Variants in LRRN4 observed in about 807,000 individuals in gnomAD.
The protein encoded by LRRN4 is leucine-rich repeat neuronal protein 4.
Under a neutral mutation model 22.3 loss-of-function variants are expected in LRRN4, and 26 were observed. That is an observed-to-expected ratio of 1.16 (90% CI 0.85 to 1.62). LRRN4 has a LOEUF of 1.62. Ranked by LOEUF, LRRN4 falls within the 40% of genes most tolerant of loss-of-function variation. The pLI is 0.00. For synonymous variants in LRRN4, 496 were observed against 486.2 expected, an observed-to-expected ratio of 1.02 and a Z score of -0.26; for missense variants, 1,070 against 1,008.5, an observed-to-expected ratio of 1.06 and a Z score of -0.83.
intron 3 of LRRN4, among the ~76,000 whole-genome samples, chr20:6,048,179 T>G (rs1441691032): frequency 1.3e-5 from 2 of 152,162 alleles, no homozygotes; most frequent in Non-Finnish European, 2.9e-5. Context: ...CCCTCCCTCC[T>G]TAAGCACTCT....
chr20:6,041,959 G>C lies in LRRN4; in HGVS notation c.1286C>G (p.Thr429Ser). ...TACAGAGTTGGTCGTGGAGGGGGCA[G>C]TCCCCTCCCGTGCATCGCTGTGCGG... ...AWPHSDAREG[T>S]APSTTNSVAG... The change falls in exon 5 of 5, where the codon ACT becomes AGT. Residue 429 changes from threonine to serine, a missense_variant. Transcript: ENST00000378858. The surrounding 1 kb of genome is among the most constrained non-coding windows in gnomAD (Gnocchi z 9.4). 6.2e-7 allele frequency: 1 copy of C among 1,614,124 alleles called. No homozygotes were observed. The highest frequency in any genetic ancestry group is 8.5e-7 in the Non-Finnish European group (1 of 1,180,030).
At chr20:6,048,992 A>G (rs78810641) in intron 3 of LRRN4, among the ~76,000 whole-genome samples, 4,541 of 152,326 alleles carry the variant, frequency 0.03, 223 homozygotes, top group African/African-American at 0.1. Flanking sequence ...GAGAACATCA[A>G]GAGGGAGGAA....
rs766428026 is a variant in LRRN4, at chr20:6,041,381, T to TC, written c.1863dup (p.Asn622GlufsTer109). The TC allele has an allele frequency of 1.1e-5, 18 of 1,584,948 alleles. No individual in the cohort carries two copies. Among genetic ancestry groups the TC allele is most frequent in the Admixed American group, 1.8e-5 (1 of 56,738 alleles). On this transcript the variant is annotated frameshift_variant, in exon 5 of 5. Transcript: ENST00000378858. LOFTEE classifies it low-confidence loss of function (END_TRUNC). This position sits in a 1 kb window ranked among gnomAD's most constrained non-coding sequence, Gnocchi z 9.4. Reference sequence around the variant, plus strand: ...TAGATGACCCCCACCACCGACTGGTTCCCCGCCCAGCCCTCCGCAGAGTAG... The same window carrying TC: ...TAGATGACCCCCACCACCGACTGGTTCCCCCGCCCAGCCCTCCGCAGAGTAG...
chr20:6,044,934 A>G (rs886946543), intron 3 of LRRN4, among the ~76,000 whole-genome samples: 2 of 152,180 alleles, frequency 1.3e-5, no homozygotes, highest in African/African-American at 4.8e-5. Flanking sequence ...CTTCATATCA[A>G]CTGGAGACAT....
chr20:6,044,159 A>T (rs2123052628), intron 4 of LRRN4, among the ~76,000 whole-genome samples: 1 of 152,324 alleles, frequency 6.6e-6, no homozygotes, highest in Middle Eastern at 3.4e-3. Context: ...AGGACTGGAT[A>T]ACCCGGGAGC....
chr20:6,042,154 G>T lies in LRRN4; in HGVS notation c.1091C>A (p.Ser364Tyr). The T allele has an allele frequency of 6.2e-7, 1 of 1,614,164 alleles. No individual in the cohort carries two copies. Among genetic ancestry groups the T allele is most frequent in the Non-Finnish European group, 8.5e-7 (1 of 1,180,002 alleles). ...AGCCCCGAGAGTGGTGCTTTGGTCGGACTGGCACACTCCGGGCAGCTGGGA... is the reference window on the plus strand; with the variant it reads ...AGCCCCGAGAGTGGTGCTTTGGTCGTACTGGCACACTCCGGGCAGCTGGGA... Reference protein sequence around the residue: ...SLSQLPGVCQSDQSTTLGASH... With the variant: ...SLSQLPGVCQYDQSTTLGASH... The change falls in exon 5 of 5, where the codon TCC becomes TAC. Residue 364 changes from serine (S) to tyrosine (Y), a missense_variant. Ser to Tyr is a moderately radical substitution (Grantham distance 144). Coordinates refer to ENST00000378858, the MANE Select transcript of LRRN4 (RefSeq NM_152611.5).
chr20:6,048,172 T>G (rs1981154210), intron 3 of LRRN4, among the ~76,000 whole-genome samples: 2 of 152,212 alleles, frequency 1.3e-5, no homozygotes, highest in South Asian at 2.1e-4. Context: ...AACCACTCCC[T>G]CCCTCCTTAA....
chr20:6,050,746 CAT>C (rs1353593481), intron 3 of LRRN4, 31 bp downstream of exon 3: 1 of 1,596,436 alleles, frequency 6.3e-7, no homozygotes, highest in African/African-American at 1.3e-5. Flanking sequence ...AAAAATCAGT[CAT>C]GTGATGAAGA....
rs1980910231 is a variant in LRRN4, at chr20:6,040,979, G to A, written c.*43C>T. The A allele has an allele frequency of 6.2e-7, 1 of 1,605,362 alleles. No homozygotes were observed. The highest frequency in any genetic ancestry group is 8.5e-7 in the Non-Finnish European group (1 of 1,176,808). On this transcript the variant is annotated 3_prime_UTR_variant, in exon 5 of 5. Coordinates refer to ENST00000378858, the MANE Select transcript of LRRN4 (RefSeq NM_152611.5). ...TGACCGTCTGTGTCTTCCTTTTTGC[G>A]CTCAGATCCAGTTCGATGAGACGCG...
rs564977458 is a variant in LRRN4 at position 6,046,472 on chromosome 20, C to T, written c.861-1792G>A. Among the ~76,000 whole-genome samples, 8 of 148,786 alleles carry T rather than the reference C, an allele frequency of 5.4e-5. No individual in the cohort carries two copies. The South Asian group carries it at 1.7e-3, about 32-fold the overall frequency. ...CTCCCTTCTCTTTCTCACCCAGAGT[C>T]TCACAGAGTGTTTGGCCTTGACTTT... On this transcript the variant is annotated intron_variant, in intron 3 of 4. Coordinates refer to ENST00000378858, the MANE Select transcript of LRRN4 (RefSeq NM_152611.5).
At chr20:6,049,562 G>A (rs527306175) in intron 3 of LRRN4, among the ~76,000 whole-genome samples, 267 of 152,078 alleles carry the variant, frequency 1.8e-3, no homozygotes, top group Non-Finnish European at 2.4e-3. Flanking sequence ...GTACAATGGC[G>A]CAATCTCAGC....
chr20:6,049,379 G>A (rs1981190934), intron 3 of LRRN4, among the ~76,000 whole-genome samples: 3 of 152,276 alleles, frequency 2.0e-5, no homozygotes, highest in South Asian at 4.1e-4. Context: ...GAAAGCAGTG[G>A]CCATGTTGTC....
chr20:6,040,737 G>A lies in LRRN4; in HGVS notation c.*285C>T. 2.1e-6 allele frequency: 1 copy of A among 470,272 alleles called. No homozygotes were observed. Among genetic ancestry groups the A allele is most frequent in the South Asian group, 2.3e-5 (1 of 42,966 alleles). 29.1% of individuals were successfully genotyped at this position (470,272 alleles called of 1,614,324 possible). On this transcript the variant is annotated 3_prime_UTR_variant, in exon 5 of 5. Transcript: ENST00000378858. ...ACTGGATAGAGAGGCACTGACTGCT[G>A]AAAACCGCAAATGAACCAACAACAC...
At chr20:6,047,425 T>TACACACTCACACAC (rs1160176493) in intron 3 of LRRN4, among the ~76,000 whole-genome samples, 1 of 128,378 alleles carries the variant, frequency 7.8e-6, no homozygotes, top group African/African-American at 2.6e-5. Context: ...CAGACACACA[T>TACACACTCACACAC]ACACACACAC....
At chr20:6,052,866 T>TG in intron 1 of LRRN4, 62 bp from the exon 2 acceptor site, 2 of 1,458,396 alleles carry the variant, frequency 1.4e-6, no homozygotes, top group Non-Finnish European at 1.8e-6. Context: ...AAGAGTCAGA[T>TG]GCGCGTCCCA....
In LRRN4 at chr20:6,045,296, G is replaced by A. The variant is rs908233393; in HGVS notation, c.861-616C>T. On this transcript the variant is annotated intron_variant, in intron 3 of 4. Transcript: ENST00000378858. ...TGTACTAAAAATACAAAAATTAGCC[G>A]GGCGGTAGTGGTGCACCTGTAATCC... 7.4e-5 allele frequency among the ~76,000 whole-genome samples: 11 copies of A among 148,018 alleles called. 1 individual carries two copies. The highest frequency in any genetic ancestry group is 5.9e-4 in the East Asian group (3 of 5,058).
chr20:6,046,710 C>T (rs1981107677), intron 3 of LRRN4, among the ~76,000 whole-genome samples: 1 of 149,068 alleles, frequency 6.7e-6, no homozygotes, highest in Non-Finnish European at 1.5e-5. Context: ...CCCACATCTG[C>T]TCTATCACTT....
intron 3 of LRRN4, among the ~76,000 whole-genome samples, chr20:6,047,425 TACACACACACAC>T (rs57188958): frequency 2.8e-4 from 36 of 128,478 alleles, no homozygotes; most frequent in Non-Finnish European, 4.9e-4. Flanking sequence ...CAGACACACA[TACACACACACAC>T]ACACACACAC....
Position 6,041,319 on chromosome 20 carries a change from C to T in LRRN4, c.1926G>A (p.Ser642=), listed in dbSNP as rs762499442. The part of the protein sequence containing the change: ...TARQHPLYGL[S]PGTTYRVCVL... Reference sequence around the variant, plus strand: ...CGCACACGCGGTAGGTGGTGCCCGGCGACAGCCCGTACAGAGGGTGCTGCC... The same window carrying T: ...CGCACACGCGGTAGGTGGTGCCCGGTGACAGCCCGTACAGAGGGTGCTGCC... Residue 642 remains serine, a synonymous_variant, in exon 5 of 5, where the codon TCG becomes TCA. Transcript: ENST00000378858. This position sits in a 1 kb window ranked among gnomAD's most constrained non-coding sequence, Gnocchi z 9.4. 6.9e-6 allele frequency: 11 copies of T among 1,596,874 alleles called. No individual in the cohort carries two copies. The highest frequency in any genetic ancestry group is 9.4e-6 in the Non-Finnish European group (11 of 1,175,594).
Sources: gnomAD v4.1 joint callset for allele counts (sites outside exome capture counted in the v4.1 genomes callset) on GRCh38, gnomAD v4.1.1 for gene constraint, Gnocchi (gnomAD v3.1) non-coding constraint, MANE v1.5 for transcripts, NCBI Gene and HGNC (gene_info 2026-07-23, HGNC 2026-07-21) for gene names.